EFCAB5: variants seen among roughly 807,000 people sequenced by gnomAD.
EFCAB5 encodes the protein EF-hand calcium-binding domain-containing protein 5.
A neutral mutation model predicts 167.9 loss-of-function variants in EFCAB5; 131 were observed. The observed-to-expected ratio is 0.78, with a 90% confidence interval of 0.68 to 0.90. EFCAB5 has a LOEUF of 0.90. Among genes scored for constraint, EFCAB5 ranks in the 40% least tolerant of loss-of-function variants. The probability of loss-of-function intolerance (pLI) is 0.00; values close to 1 mark genes in which losing one functional copy is unlikely to be tolerated. For missense variants in EFCAB5, 1,663 were observed against 1,745.2 expected (o/e 0.95, Z 0.84); for synonymous variants, 574 against 602.8 (o/e 0.95, Z 0.70).
At chr17:30,055,779 G>C in intron 10 of EFCAB5, 109 bp from the exon 11 acceptor site, 1 of 1,118,620 alleles carries the variant, frequency 8.9e-7, no homozygotes, top group African/African-American at 1.6e-5. Flanking sequence ...AAAGTACTTA[G>C]AGTTTTTGGT....
intron 4 of EFCAB5, among the ~76,000 whole-genome samples, chr17:29,977,496 TAA>T (rs979038326): frequency 2.6e-5 from 4 of 152,164 alleles, no homozygotes; most frequent in Non-Finnish European, 5.9e-5. Flanking sequence ...AAAGTAGATC[TAA>T]GAGACCCCAA....
intron 3 of EFCAB5, among the ~76,000 whole-genome samples, chr17:29,946,522 C>T (rs1006713231): frequency 5.4e-5 from 8 of 148,928 alleles, no homozygotes; most frequent in East Asian, 4.0e-4. Flanking sequence ...CTGCAAGCTC[C>T]GCCTCCCAGG....
intron 7 of EFCAB5, among the ~76,000 whole-genome samples, chr17:30,017,887 T>C (rs542769537): frequency 9.9e-5 from 15 of 152,208 alleles, no homozygotes; most frequent in Non-Finnish European, 1.8e-4. Context: ...CTTAATTCAA[T>C]ATTTAAATGG....
intron 14 of EFCAB5, among the ~76,000 whole-genome samples, chr17:30,075,330 C>T (rs769026433): frequency 1.3e-5 from 2 of 152,206 alleles, no homozygotes; most frequent in Non-Finnish European, 2.9e-5. Context: ...CACCCCTCAA[C>T]AGATCACCCC....
In EFCAB5 at chr17:30,046,835, C is replaced by A. The variant is rs145327742; in HGVS notation, c.1201-4283C>A. Among the ~76,000 whole-genome samples the A allele has an allele frequency of 3.9e-5, 6 of 152,250 alleles. No individual in the cohort carries two copies. The East Asian group carries it at 1.2e-3, about 29-fold the overall frequency. ...CTATTTTCTTCAAGATCCACCTGTA[C>A]AACATTCATTGCCTTTAAATCCAAA... On this transcript the variant is annotated intron_variant, in intron 8 of 22. Coordinates refer to ENST00000394835, the MANE Select transcript of EFCAB5 (RefSeq NM_198529.4).
intron 19 of EFCAB5, 78 bp from the exon 20 acceptor site, chr17:30,090,343 T>C: frequency 6.5e-7 from 1 of 1,531,302 alleles, no homozygotes; most frequent in Non-Finnish European, 8.8e-7. Context: ...CACAAGAGAG[T>C]AATTCAATAT....
intron 7 of EFCAB5, among the ~76,000 whole-genome samples, chr17:30,023,844 A>T (rs1361654686): frequency 6.6e-6 from 1 of 152,158 alleles, no homozygotes; most frequent in Admixed American, 6.6e-5. Context: ...TGATCAAGTG[A>T]GCTTTATCTC....
intron 7 of EFCAB5, among the ~76,000 whole-genome samples, 151 bp downstream of exon 7, chr17:30,000,127 C>A (rs763890713): frequency 2.0e-5 from 3 of 152,042 alleles, no homozygotes; most frequent in Non-Finnish European, 4.4e-5. Context: ...AATATTTCAA[C>A]TCCTCTGAAA....
intron 3 of EFCAB5, among the ~76,000 whole-genome samples, chr17:29,950,053 T>C (rs992194372): frequency 6.6e-6 from 1 of 152,126 alleles, no homozygotes; most frequent in East Asian, 1.9e-4. Context: ...AAGAGTACAG[T>C]TGACTCTTGG....
At chr17:30,085,839 TC>T (rs1483321601) in intron 18 of EFCAB5, among the ~76,000 whole-genome samples, 1 of 152,232 alleles carries the variant, frequency 6.6e-6, no homozygotes, top group Admixed American at 6.5e-5. Context: ...ACATTTCCCT[TC>T]TAAAGAGTTT....
chr17:29,979,643 A>G (rs1426334082), intron 4 of EFCAB5, among the ~76,000 whole-genome samples: 2 of 152,100 alleles, frequency 1.3e-5, no homozygotes, highest in South Asian at 4.1e-4. Context: ...CTATAGCACC[A>G]CTTTTGTCAC....
At chr17:30,063,843 G>T (rs76800795) in intron 14 of EFCAB5, among the ~76,000 whole-genome samples, 1 of 152,086 alleles carries the variant, frequency 6.6e-6, no homozygotes, top group African/African-American at 2.4e-5. Context: ...AACATATGCC[G>T]CTGCTGCTGC....
intron 22 of EFCAB5, among the ~76,000 whole-genome samples, chr17:30,102,566 C>T (rs185486212): frequency 1.3e-5 from 2 of 152,072 alleles, no homozygotes; most frequent in East Asian, 3.9e-4. Flanking sequence ...TTCTTTTCTT[C>T]TTTCTTTTCC....
intron 22 of EFCAB5, among the ~76,000 whole-genome samples, chr17:30,093,806 G>A (rs2071245623): frequency 6.6e-6 from 1 of 152,152 alleles, no homozygotes; most frequent in South Asian, 2.1e-4. Flanking sequence ...AGTCTCCGCA[G>A]CAATCAAGAA....
At chr17:29,986,030 T>A (rs937998947) in intron 4 of EFCAB5, among the ~76,000 whole-genome samples, 20 of 152,234 alleles carry the variant, frequency 1.3e-4, no homozygotes, top group Non-Finnish European at 1.5e-5. Context: ...CAATCATCAT[T>A]GAAATCACAG....
intron 22 of EFCAB5, among the ~76,000 whole-genome samples, chr17:30,100,740 C>G (rs1232119147): frequency 1.3e-5 from 2 of 150,982 alleles, no homozygotes; most frequent in African/African-American, 4.9e-5. Context: ...GTGCTCCAAC[C>G]TAGGCGACAG....
intron 7 of EFCAB5, among the ~76,000 whole-genome samples, chr17:30,023,858 GATGCAAGGCTGGTTCAATAT>G (rs1166140007): frequency 6.6e-6 from 1 of 152,146 alleles, no homozygotes; most frequent in African/African-American, 2.4e-5. Flanking sequence ...TTATCTCTGG[GATGCAAGGCTGGTTCAATAT>G]ATGCAAATCA....
At chr17:30,067,365 A>C (rs1290471677) in intron 14 of EFCAB5, among the ~76,000 whole-genome samples, 2 of 152,196 alleles carry the variant, frequency 1.3e-5, no homozygotes, top group Non-Finnish European at 2.9e-5. Context: ...CTCTAATCCC[A>C]GCACTTTGGG....
intron 3 of EFCAB5, among the ~76,000 whole-genome samples, chr17:29,957,268 A>G (rs548078576): frequency 6.6e-6 from 1 of 152,252 alleles, no homozygotes; most frequent in South Asian, 2.1e-4. Context: ...ACTTACATAT[A>G]TTGAACCATC....
Sources: gnomAD v4.1 joint callset for allele counts (sites outside exome capture counted in the v4.1 genomes callset) on GRCh38, gnomAD v4.1.1 for gene constraint, MANE v1.5 for transcripts, NCBI Gene and HGNC (gene_info 2026-07-23, HGNC 2026-07-21) for gene names.